LIPA: variants seen among roughly 807,000 people sequenced by gnomAD.
LIPA encodes lysosomal acid lipase/cholesteryl ester hydrolase.
Under a neutral mutation model 40.6 loss-of-function variants are expected in LIPA, and 26 were observed. The observed-to-expected ratio is 0.64, with a 90% confidence interval of 0.47 to 0.89. The LOEUF is 0.89. LIPA is among the 40% of genes least tolerant of loss of function. The probability of loss-of-function intolerance (pLI) is 0.00; values close to 1 mark genes in which losing one functional copy is unlikely to be tolerated. For synonymous variants in LIPA, 188 were observed against 168.4 expected (o/e 1.12, Z -0.90); for missense variants, 455 against 479.6 (o/e 0.95, Z 0.48).
intron 2 of LIPA, among the ~76,000 whole-genome samples, chr10:89,373,897 T>C (rs1169501376): frequency 1.3e-5 from 2 of 152,170 alleles, no homozygotes; most frequent in Admixed American, 6.5e-5. Flanking sequence ...ATATCCTGAG[T>C]AGCAAAAATC....
intron 1 of LIPA, among the ~76,000 whole-genome samples, chr10:89,296,765 A>C (rs1340120242): frequency 6.6e-6 from 1 of 151,984 alleles, no homozygotes; most frequent in African/African-American, 2.4e-5. Context: ...GCTTTGTGTA[A>C]TTTTCTGACC....
chr10:89,379,789 C>T (rs1844148842), intron 2 of LIPA, among the ~76,000 whole-genome samples: 1 of 152,076 alleles, frequency 6.6e-6, no homozygotes, highest in Admixed American at 6.6e-5. Context: ...AATCCCAGCA[C>T]TTTGGGAGGC....
chr10:89,285,162 A>G (rs996222457), intron 1 of LIPA: 2 of 161,602 alleles, frequency 1.2e-5, no homozygotes, highest in African/African-American at 2.4e-5. Context: ...TTGGGAGATC[A>G]ATCCCCTGTC....
chr10:89,330,080 G>A (rs1045774949), intron 1 of LIPA, among the ~76,000 whole-genome samples: 1 of 152,170 alleles, frequency 6.6e-6, no homozygotes, highest in African/African-American at 2.4e-5. Flanking sequence ...CACTTCTTTT[G>A]TGGTGGAATG....
intron 1 of LIPA, among the ~76,000 whole-genome samples, chr10:89,296,390 G>A (rs1380915127): frequency 6.6e-6 from 1 of 151,618 alleles, no homozygotes; most frequent in African/African-American, 2.4e-5. Flanking sequence ...TACTTGGGAG[G>A]GTGAGGCACG....
chr10:89,360,444 T>C (rs138271679), intron 2 of LIPA, among the ~76,000 whole-genome samples: 1 of 152,312 alleles, frequency 6.6e-6, no homozygotes, highest in African/African-American at 2.4e-5. Context: ...CTCACCAAGA[T>C]AAGTGTCCTG....
chr10:89,374,105 T>C (rs2133598815), intron 2 of LIPA, among the ~76,000 whole-genome samples: 1 of 152,318 alleles, frequency 6.6e-6, no homozygotes, highest in South Asian at 2.1e-4. Flanking sequence ...TGTAAACCAC[T>C]GTTCAAGGCC....
At chr10:89,407,980 G>A (rs1463756155) in intron 2 of LIPA, among the ~76,000 whole-genome samples, 2 of 152,118 alleles carry the variant, frequency 1.3e-5, no homozygotes, top group Non-Finnish European at 2.9e-5. Context: ...TTGGGCAAGA[G>A]GTGTTTCTGC....
chr10:89,230,597 C>T (rs925566094), intron 3 of LIPA, among the ~76,000 whole-genome samples: 1 of 152,146 alleles, frequency 6.6e-6, no homozygotes, highest in East Asian at 1.9e-4. Context: ...TGAGCCACCA[C>T]GCCCAGCCCG....
At chr10:89,407,191 A>T (rs1301868561) in intron 2 of LIPA, among the ~76,000 whole-genome samples, 5 of 152,170 alleles carry the variant, frequency 3.3e-5, no homozygotes, top group Non-Finnish European at 7.4e-5. Flanking sequence ...CCCTGCGGCC[A>T]TGAGTGAAAC....
intron 1 of LIPA, chr10:89,332,471 C>G: frequency 6.6e-7 from 1 of 1,514,012 alleles, no homozygotes; most frequent in Non-Finnish European, 8.9e-7. Flanking sequence ...TGATAGGGTT[C>G]CATCAGTTTC....
intron 2 of LIPA, among the ~76,000 whole-genome samples, chr10:89,382,648 T>C (rs991230606): frequency 3.3e-5 from 5 of 152,230 alleles, no homozygotes; most frequent in African/African-American, 1.2e-4. Context: ...ACCTATGTAA[T>C]GTTCATTCAT....
intron 2 of LIPA, chr10:89,383,364 G>A (rs1396438998): frequency 6.2e-7 from 1 of 1,614,068 alleles, no homozygotes. Context: ...TGATTCAGCT[G>A]AGATGTCACT....
intron 3 of LIPA, among the ~76,000 whole-genome samples, chr10:89,242,065 A>C (rs1842971095): frequency 6.6e-6 from 1 of 152,210 alleles, no homozygotes; most frequent in Non-Finnish European, 1.5e-5. Context: ...TGTGTTTAAA[A>C]AAAAACAAAA....
intron 2 of LIPA, among the ~76,000 whole-genome samples, chr10:89,357,381 G>A (rs762438257): frequency 6.6e-6 from 1 of 151,912 alleles, no homozygotes; most frequent in Non-Finnish European, 1.5e-5. Flanking sequence ...GAAACTATGA[G>A]GTCAACCTCT....
chr10:89,269,670 C>T (rs986892676), intron 1 of LIPA, among the ~76,000 whole-genome samples: 1 of 152,116 alleles, frequency 6.6e-6, no homozygotes, highest in South Asian at 2.1e-4. Context: ...TAAAGCGATG[C>T]GTTGGCAATA....
intron 1 of LIPA, among the ~76,000 whole-genome samples, chr10:89,316,880 C>T (rs1843544209): frequency 6.6e-6 from 1 of 152,214 alleles, no homozygotes; most frequent in African/African-American, 2.4e-5. Context: ...GATGAAGCTT[C>T]CAGAGAAAGG....
chr10:89,326,004 A>G (rs530688391), intron 1 of LIPA, among the ~76,000 whole-genome samples: 12 of 152,348 alleles, frequency 7.9e-5, no homozygotes, highest in African/African-American at 2.6e-4. Flanking sequence ...GTAAACTATT[A>G]TAACTACTAT....
chr10:89,345,288 G>GT (rs1213260329), upstream of LIPA, among the ~76,000 whole-genome samples: 284 of 152,130 alleles, frequency 1.9e-3, 1 homozygote, highest in Middle Eastern at 0.02. Flanking sequence ...CAGCACTTTG[G>GT]GAGGCTGAGG....
Sources: gnomAD v4.1 joint callset for allele counts (sites outside exome capture counted in the v4.1 genomes callset) on GRCh38, gnomAD v4.1.1 for gene constraint, MANE v1.5 for transcripts, NCBI Gene and HGNC (gene_info 2026-07-23, HGNC 2026-07-21) for gene names.